The following AP1G1 variants were observed in gnomAD, a reference collection of about 807,000 sequenced individuals.
The protein encoded by AP1G1 is adaptor related protein complex 1 subunit gamma 1.
In AP1G1, 7 loss-of-function variants were observed where a neutral mutation model predicts 108.3. The ratio of observed to expected loss-of-function variants is 0.06; its 90% CI spans 0.04 to 0.12. The LOEUF is 0.12. Among genes scored for constraint, AP1G1 ranks in the 10% least tolerant of loss-of-function variants. AP1G1 has a pLI of 1.00. For synonymous variants in AP1G1, 379 were observed against 353.5 expected (o/e 1.07, Z -0.81); for missense variants, 756 against 1,010.7 (o/e 0.75, Z 3.42).
Position 71,739,050 on chromosome 16 carries a change from G to C in AP1G1, c.2160C>G (p.Thr720=). 1 of 1,614,176 alleles carries C rather than the reference G, an allele frequency of 6.2e-7. No homozygotes were observed. Among genetic ancestry groups the C allele is most frequent in the South Asian group, 1.1e-5 (1 of 91,074 alleles). Residue 720 remains threonine (T), a synonymous_variant, in exon 21 of 23, where the codon ACC becomes ACG. Transcript: ENST00000299980. The part of the protein sequence containing the change: ...YSKNGLKIEF[T]FERSNTNPSV... ...TGGGGTTGGTATTTGACCGTTCAAA[G>C]GTGAATTCTATCTTCAAGCCATTCT...
intron 1 of AP1G1, 106 bp from the exon 2 acceptor site, chr16:71,789,588 C>T (rs1478002586): frequency 2.0e-5 from 23 of 1,152,758 alleles, no homozygotes; most frequent in African/African-American, 3.1e-5. Flanking sequence ...GAATTCAAGA[C>T]TTGCCAAATC....
At chr16:71,799,920 A>AATG (rs1173962648) in intron 1 of AP1G1, among the ~76,000 whole-genome samples, 7 of 138,608 alleles carry the variant, frequency 5.1e-5, no homozygotes, top group Non-Finnish European at 9.3e-5. Flanking sequence ...TAATAATAAT[A>AATG]ATAATAAAAA....
chr16:71,758,982 C>T (rs994922286), intron 10 of AP1G1, 61 bp from the exon 11 acceptor site: 9 of 922,344 alleles, frequency 9.8e-6, no homozygotes, highest in Middle Eastern at 2.1e-4. Flanking sequence ...AGTTTTTCTC[C>T]GTTTAAATAA....
At chr16:71,760,932 A>G (rs956682115) in intron 10 of AP1G1, among the ~76,000 whole-genome samples, 1 of 152,216 alleles carries the variant, frequency 6.6e-6, no homozygotes, top group Non-Finnish European at 1.5e-5. Context: ...ATACAGGAAA[A>G]TAACAAAATA....
In AP1G1 at chr16:71,732,962, C is replaced by G. The variant is rs1390907721; in HGVS notation, c.*96G>C. 4 of 917,190 alleles carry G rather than the reference C, an allele frequency of 4.4e-6. No individual in the cohort carries two copies. Among genetic ancestry groups the G allele is most frequent in the African/African-American group, 1.7e-5 (1 of 60,346 alleles). The allele number at this position is 917,190 out of a possible 1,614,324, so 56.8% of individuals were successfully genotyped here. On this transcript the variant is annotated 3_prime_UTR_variant, in exon 23 of 23. Transcript: ENST00000299980. Reference sequence around the variant, plus strand: ...GCAGTTCTCTTCAGCTCCTCATGCCCGTGGTACAGTTGGGGGGGACTTGCC... The same window carrying G: ...GCAGTTCTCTTCAGCTCCTCATGCCGGTGGTACAGTTGGGGGGGACTTGCC...
intron 7 of AP1G1, among the ~76,000 whole-genome samples, 179 bp downstream of exon 7, chr16:71,765,310 G>C (rs753937726): frequency 2.0e-5 from 3 of 152,230 alleles, no homozygotes; most frequent in Non-Finnish European, 4.4e-5. Flanking sequence ...CTAAGTGACA[G>C]AGCAAGACCT....
intron 2 of AP1G1, among the ~76,000 whole-genome samples, chr16:71,784,146 G>T (rs1240516970): frequency 1.3e-5 from 2 of 152,136 alleles, no homozygotes; most frequent in African/African-American, 2.4e-5. Flanking sequence ...CCGTCCTTTA[G>T]GAAATGGTAA....
At chr16:71,786,046 T>C (rs1174414068) in intron 2 of AP1G1, among the ~76,000 whole-genome samples, 1 of 152,154 alleles carries the variant, frequency 6.6e-6, no homozygotes, top group African/African-American at 2.4e-5. Context: ...GGTGACTCAT[T>C]GAAACAGAGG....
At chr16:71,799,997 G>A (rs1009027615) in intron 1 of AP1G1, among the ~76,000 whole-genome samples, 3 of 151,966 alleles carry the variant, frequency 2.0e-5, no homozygotes, top group Admixed American at 6.6e-5. Context: ...GATGCAGGCA[G>A]ATTGCTCAAG....
chr16:71,763,244 G>A (rs947997151), intron 9 of AP1G1, among the ~76,000 whole-genome samples: 2 of 152,210 alleles, frequency 1.3e-5, no homozygotes, highest in African/African-American at 4.8e-5. Context: ...TGTGAGAGTA[G>A]AGAGTAAAAA....
intron 19 of AP1G1, among the ~76,000 whole-genome samples, chr16:71,743,945 CAA>C (rs35804839): frequency 9.1e-4 from 79 of 87,166 alleles, no homozygotes; most frequent in African/African-American, 1.5e-3. Flanking sequence ...GACTCTGTCT[CAA>C]AAAAAAAAAA....
Position 71,765,595 on chromosome 16 carries a change from G to A in AP1G1, c.643-11C>T. 6.3e-7 allele frequency: 1 copy of A among 1,592,822 alleles called. No homozygotes were observed. The highest frequency in any genetic ancestry group is 1.3e-5 in the African/African-American group (1 of 74,576). On this transcript the variant is annotated splice_polypyrimidine_tract_variant and intron_variant, in intron 6 of 22. Coordinates refer to ENST00000299980, the MANE Select transcript of AP1G1 (RefSeq NM_001128.6). ...TAATTGGGGCACAAGCTGCAGAGAA[G>A]AAAGATGCATCAAAAAACAGTGAAT... is the stretch of plus-strand genomic sequence containing the variant.
At chr16:71,758,445 C>T (rs1369936760) in intron 11 of AP1G1, 1 of 525,802 alleles carries the variant, frequency 1.9e-6, no homozygotes, top group South Asian at 1.4e-5. Context: ...TGACAAGACA[C>T]TTAGCCGATG....
chr16:71,768,263 T>C (rs976391104), intron 6 of AP1G1, among the ~76,000 whole-genome samples: 1 of 148,842 alleles, frequency 6.7e-6, no homozygotes, highest in Non-Finnish European at 1.5e-5. Flanking sequence ...TTGAGGAGGC[T>C]GAGGCGGGTG....
intron 6 of AP1G1, among the ~76,000 whole-genome samples, chr16:71,768,196 A>T (rs2031395276): frequency 2.8e-5 from 3 of 107,050 alleles, no homozygotes; most frequent in African/African-American, 3.6e-5. Flanking sequence ...CTAGTTTAAA[A>T]AAAAAAAAAA....
At chr16:71,806,565 T>C (rs2033003933) in intron 1 of AP1G1, 1 of 530,068 alleles carries the variant, frequency 1.9e-6, no homozygotes, top group South Asian at 1.9e-5. Context: ...AATACCAATA[T>C]ATTAAAGCAT....
intron 6 of AP1G1, chr16:71,769,405 A>G: frequency 5.9e-6 from 3 of 509,328 alleles, no homozygotes; most frequent in Non-Finnish European, 1.1e-5. Context: ...CAACAATGAG[A>G]GAAGACTTCT....
At chr16:71,748,900 G>GT (rs550768305) in intron 15 of AP1G1, among the ~76,000 whole-genome samples, 5,416 of 146,804 alleles carry the variant, frequency 0.037, 118 homozygotes, top group Non-Finnish European at 0.052. Context: ...CACCTGTTTT[G>GT]TTTTTTTTTT....
chr16:71,801,492 T>G (rs2032799494), intron 1 of AP1G1, among the ~76,000 whole-genome samples: 1 of 152,146 alleles, frequency 6.6e-6, no homozygotes, highest in African/African-American at 2.4e-5. Context: ...TCTGTTAAAA[T>G]TTGGGGTTAA....
Sources: gnomAD v4.1 joint callset for allele counts (sites outside exome capture counted in the v4.1 genomes callset) on GRCh38, gnomAD v4.1.1 for gene constraint, MANE v1.5 for transcripts, NCBI Gene and HGNC (gene_info 2026-07-23, HGNC 2026-07-21) for gene names.